Variants in MERTK observed in about 807,000 individuals in gnomAD.
MERTK encodes tyrosine-protein kinase Mer.
In MERTK, 69 loss-of-function variants were observed where a neutral mutation model predicts 99.3. The observed-to-expected ratio is 0.70, with a 90% CI of 0.57 to 0.85. The LOEUF (loss-of-function observed/expected upper bound fraction) is 0.85. MERTK is among the 40% of genes least tolerant of loss of function. The probability of loss-of-function intolerance (pLI) is 0.00; values close to 1 mark genes in which losing one functional copy is unlikely to be tolerated. For missense variants in MERTK, 1,125 were observed against 1,249.4 expected, an observed-to-expected ratio of 0.90 and a Z score of 1.50; for synonymous variants, 426 against 467.6, an observed-to-expected ratio of 0.91 and a Z score of 1.15.
At chr2:111,947,850 G>T (rs10171303) in intron 4 of MERTK, among the ~76,000 whole-genome samples, 1 of 152,046 alleles carries the variant, frequency 6.6e-6, no homozygotes, top group East Asian at 1.9e-4. Context: ...AGCCCTGCTC[G>T]CATCTCCCAT....
In MERTK at chr2:112,004,169, C is replaced by T. The variant is rs112056669; in HGVS notation, c.1867+185C>T. 6.4e-3 allele frequency among the ~76,000 whole-genome samples: 981 copies of T among 152,258 alleles called. 13 individuals carry two copies. The highest frequency in any genetic ancestry group is 0.023 in the African/African-American group (946 of 41,532). ...GCATGCATTACATATTCTTTATACTCAAGGCAATAACATTTTTTATTTTTA... is the reference window on the plus strand; with the variant it reads ...GCATGCATTACATATTCTTTATACTTAAGGCAATAACATTTTTTATTTTTA... On this transcript the variant is annotated intron_variant, in intron 13 of 18. Coordinates refer to ENST00000295408, the MANE Select transcript of MERTK (RefSeq NM_006343.3).
intron 18 of MERTK, among the ~76,000 whole-genome samples, chr2:112,027,920 C>T (rs1389990018): frequency 1.3e-5 from 2 of 152,136 alleles, no homozygotes; most frequent in Non-Finnish European, 2.9e-5. Context: ...CTTTGCAGGC[C>T]TTTTAGCACC....
In MERTK at chr2:112,022,286, T is replaced by C; in HGVS notation, c.2378T>C (p.Ile793Thr). ...GCATTTGGCGTGACCATGTGGGAAATAGCTACGCGGGGAATGACTCCCTAT... is the reference window on the plus strand; with the variant it reads ...GCATTTGGCGTGACCATGTGGGAAACAGCTACGCGGGGAATGACTCCCTAT... ...VWAFGVTMWE[I>T]ATRGMTPYPG... Residue 793 changes from isoleucine to threonine, a missense_variant, in exon 18 of 19, where the codon ATA (isoleucine) becomes ACA (threonine). Ile to Thr is a moderately conservative substitution (Grantham distance 89). Transcript: ENST00000295408. 6.2e-7 allele frequency: 1 copy of C among 1,614,210 alleles called. No individual in the cohort carries two copies. The highest frequency in any genetic ancestry group is 1.7e-5 in the Admixed American group (1 of 60,026).
intron 1 of MERTK, among the ~76,000 whole-genome samples, chr2:111,912,659 A>G (rs1684273453): frequency 1.3e-5 from 2 of 152,168 alleles, no homozygotes; most frequent in South Asian, 2.1e-4. Context: ...TCTTCCCAAG[A>G]GTACTCTAAA....
Position 111,997,429 on chromosome 2 carries a change from A to T in MERTK, c.1557A>T (p.Leu519Phe), listed in dbSNP as rs1676771800. 1 of 1,613,952 alleles carries T rather than the reference A, an allele frequency of 6.2e-7. No homozygotes were observed. The highest frequency in any genetic ancestry group is 8.5e-7 in the Non-Finnish European group (1 of 1,180,000). The change falls in exon 10 of 19, where the codon TTA becomes TTT. Residue 519 changes from leucine to phenylalanine, a missense_variant. Leu to Phe is a conservative substitution (Grantham distance 22, BLOSUM62 0). Transcript: ENST00000295408. ...GATTTATTTTGATTGGGTTGATTTT[A>T]TACATCTCCTTGGCCATCAGAAAAA... ...FCGFILIGLILYISLAIRKRV... is the reference protein window; with the variant it reads ...FCGFILIGLIFYISLAIRKRV...
chr2:111,979,520 G>A (rs1248115550), intron 7 of MERTK, among the ~76,000 whole-genome samples: 1 of 151,906 alleles, frequency 6.6e-6, no homozygotes, highest in Non-Finnish European at 1.5e-5. Flanking sequence ...AAGTCTTTTG[G>A]TCCTTAAACT....
chr2:111,923,398 C>A (rs909156931), intron 1 of MERTK, among the ~76,000 whole-genome samples: 10 of 152,198 alleles, frequency 6.6e-5, no homozygotes, highest in African/African-American at 2.4e-4. Flanking sequence ...ATTGGAAACA[C>A]ATGGGCACAG....
At chr2:111,937,765 G>A (rs992922511) in intron 2 of MERTK, among the ~76,000 whole-genome samples, 7 of 152,092 alleles carry the variant, frequency 4.6e-5, no homozygotes, top group Admixed American at 1.3e-4. Flanking sequence ...TCTGACTTGC[G>A]ACCTGTTCAC....
At position 112,025,230 on chromosome 2, in the gene MERTK, A is replaced by T. The variant is rs373565157; in HGVS notation, c.2486+2836A>T. Among the ~76,000 whole-genome samples, 36 of 152,244 alleles carry T rather than the reference A, an allele frequency of 2.4e-4. No individual in the cohort carries two copies. In the East Asian group the frequency reaches 6.9e-3, roughly 29 times the overall value. On this transcript the variant is annotated intron_variant, in intron 18 of 18. Coordinates refer to ENST00000295408, the MANE Select transcript of MERTK (RefSeq NM_006343.3). ...GATCGGTTAGGGCCCATCAACCCAC[A>T]CACAGCTGGCACTTGCTGGTCATGT...
At chr2:111,944,500 T>C in intron 2 of MERTK, among the ~76,000 whole-genome samples, 2 of 152,310 alleles carry the variant, frequency 1.3e-5, no homozygotes, top group Non-Finnish European at 2.9e-5. Context: ...AAATTATGAA[T>C]TCCTTAAAAT....
chr2:112,016,727 C>T (rs1047639920), intron 15 of MERTK, among the ~76,000 whole-genome samples: 5 of 152,176 alleles, frequency 3.3e-5, no homozygotes, highest in African/African-American at 4.8e-5. Context: ...ATGCATCACA[C>T]AGTGATGTGA....
chr2:111,947,859 A>G (rs1176768652), intron 4 of MERTK, among the ~76,000 whole-genome samples: 1 of 152,060 alleles, frequency 6.6e-6, no homozygotes, highest in Non-Finnish European at 1.5e-5. Context: ...CGCATCTCCC[A>G]TTGTAGCTGT....
intron 15 of MERTK, among the ~76,000 whole-genome samples, chr2:112,014,877 G>T (rs1677186350): frequency 6.6e-6 from 1 of 152,004 alleles, no homozygotes; most frequent in Admixed American, 6.6e-5. Flanking sequence ...GACCTTAAAT[G>T]ATCCACCCGC....
chr2:111,930,685 C>G (rs1047581124), intron 2 of MERTK, among the ~76,000 whole-genome samples: 11 of 152,178 alleles, frequency 7.2e-5, no homozygotes, highest in African/African-American at 2.6e-4. Context: ...TAAGAGCAAG[C>G]TAGATGAGGT....
intron 2 of MERTK, among the ~76,000 whole-genome samples, chr2:111,936,551 T>C (rs1246635402): frequency 6.6e-6 from 1 of 152,198 alleles, no homozygotes; most frequent in Non-Finnish European, 1.5e-5. Context: ...AATCTCCCTC[T>C]TTTTTTCCTG....
In MERTK at chr2:112,007,543, A is replaced by G. The variant is rs189487779; in HGVS notation, c.1868-840A>G. On this transcript the variant is annotated intron_variant, in intron 13 of 18. Transcript: ENST00000295408. ...TTTCTCCCCAGCCCTGGCAAGCACT[A>G]TTCTATTTTCTGTCTCTGATTTTGA... Among the ~76,000 whole-genome samples the G allele has an allele frequency of 2.3e-3, 355 of 152,140 alleles. 10 individuals are homozygous for G. The highest frequency in any genetic ancestry group is 0.023 in the Admixed American group (347 of 15,268).
chr2:111,944,826 A>G (rs1684935545), intron 2 of MERTK, 134 bp from the exon 3 acceptor site: 1 of 759,470 alleles, frequency 1.3e-6, no homozygotes, highest in African/African-American at 1.7e-5. Flanking sequence ...ACAACTGCGT[A>G]CAATGGCCTA....
intron 1 of MERTK, among the ~76,000 whole-genome samples, chr2:111,927,211 A>G (rs1197483183): frequency 6.6e-6 from 1 of 152,226 alleles, no homozygotes; most frequent in Admixed American, 6.5e-5. Flanking sequence ...CAAAGGCAAC[A>G]GCCATGAGAG....
chr2:112,006,998 T>C (rs1676992889), intron 13 of MERTK, among the ~76,000 whole-genome samples: 1 of 138,956 alleles, frequency 7.2e-6, no homozygotes, highest in South Asian at 2.4e-4. Flanking sequence ...GCAAATTCCC[T>C]AAGGCAAGCC....
Sources: gnomAD v4.1 joint callset for allele counts (sites outside exome capture counted in the v4.1 genomes callset) on GRCh38, gnomAD v4.1.1 for gene constraint, MANE v1.5 for transcripts, NCBI Gene and HGNC (gene_info 2026-07-23, HGNC 2026-07-21) for gene names.